PIF1: variants seen among roughly 807,000 people sequenced by gnomAD.
PIF1 encodes ATP-dependent DNA helicase PIF1.
In PIF1, 67 loss-of-function variants were observed where a neutral mutation model predicts 62.3. That is an observed-to-expected ratio of 1.08 (90% CI 0.88 to 1.32). PIF1 has a LOEUF of 1.32. PIF1 is among the 40% of genes most tolerant of loss of function. The pLI is 0.00. For synonymous variants in PIF1, 364 were observed against 379.5 expected (o/e 0.96, Z 0.47); for missense variants, 886 against 866.1 (o/e 1.02, Z -0.29).
Position 64,818,254 on chromosome 15 carries a change from TA to T in PIF1, c.1528+2del. On this transcript the variant is annotated splice_donor_variant, in intron 10 of 12. Transcript: ENST00000559239. LOFTEE classifies it high-confidence loss of function. Reference sequence around the variant, plus strand: ...AGGACTGCCACCTCCTCCCAACACTTACCTCTCCCTTCTGCCTCGAACCCAA... The same window carrying T: ...AGGACTGCCACCTCCTCCCAACACTTCCTCTCCCTTCTGCCTCGAACCCAA... 6.2e-7 allele frequency: 1 copy of T among 1,613,976 alleles called. No homozygotes were observed. Among genetic ancestry groups the T allele is most frequent in the South Asian group, 1.1e-5 (1 of 91,068 alleles).
intron 7 of PIF1, 27 bp downstream of exon 7, chr15:64,820,954 AG>A: frequency 6.3e-7 from 1 of 1,594,142 alleles, no homozygotes; most frequent in African/African-American, 1.3e-5. Flanking sequence ...CTCATCCCAT[AG>A]CCCCTTCCCC....
chr15:64,819,153 A>G lies in PIF1; in HGVS notation c.1404T>C (p.Pro468=). Residue 468 remains proline, a synonymous_variant, in exon 9 of 13, where the codon CCT becomes CCC. Coordinates refer to ENST00000559239, the MANE Select transcript of PIF1 (RefSeq NM_001286496.2). ...ELASTLDAQC[P]VSQLLQLKLG... ...GCTTTAGTTGAAGGAGCTGGCTAAC[A>G]GGACACTGGGCATCCAGGGTACTGG... 1.3e-6 allele frequency: 2 copies of G among 1,599,228 alleles called. No individual in the cohort carries two copies. Among genetic ancestry groups the G allele is most frequent in the Non-Finnish European group, 1.7e-6 (2 of 1,175,896 alleles).
upstream of PIF1, among the ~76,000 whole-genome samples, chr15:64,826,124 A>C (rs2141120329): frequency 6.7e-6 from 1 of 149,464 alleles, no homozygotes; most frequent in Admixed American, 6.7e-5. Flanking sequence ...CCCGCCCCCA[A>C]CTCTACATCC....
chr15:64,816,891 CAGA>C, intron 11 of PIF1, 126 bp from the exon 12 acceptor site: 1 of 864,272 alleles, frequency 1.2e-6, no homozygotes, highest in Non-Finnish European at 1.7e-6. Context: ...AGTCTCTAGA[CAGA>C]GGGAGAGCAT....
chr15:64,826,527 G>A (rs947960855), upstream of PIF1, among the ~76,000 whole-genome samples: 1 of 148,780 alleles, frequency 6.7e-6, no homozygotes, highest in Non-Finnish European at 1.5e-5. Flanking sequence ...GCCGTGGCGC[G>A]ATCGTGGCTC....
chr15:64,819,976 C>T lies in PIF1; in HGVS notation c.1204G>A (p.Glu402Lys), dbSNP rs2084262690. 6.2e-7 allele frequency: 1 copy of T among 1,613,764 alleles called. No homozygotes were observed. Residue 402 changes from glutamate (E) to lysine (K), a missense_variant, in exon 8 of 13, where the codon GAG becomes AAG. Transcript: ENST00000559239. ...QAVRLGRCSD[E>K]VTRQLQATAS... ...GTGGCCTGGAGCTGGCGGGTCACCT[C>T]ATCTGAACACCTGTTGGGGCTGGAC...
upstream of PIF1, among the ~76,000 whole-genome samples, chr15:64,826,676 A>C (rs2084375316): frequency 7.9e-6 from 1 of 125,990 alleles, no homozygotes; most frequent in Non-Finnish European, 1.7e-5. Flanking sequence ...ACACACACAC[A>C]CACATATATA....
In PIF1 at chr15:64,824,332, G is replaced by A. The variant is rs760065218; in HGVS notation, c.4C>T (p.Leu2Phe). 3.4e-5 allele frequency: 42 copies of A among 1,252,256 alleles called. No homozygotes were observed. The South Asian group carries it at 1.4e-3, about 40-fold the overall frequency. 77.6% of individuals were successfully genotyped at this position (1,252,256 alleles called of 1,614,324 possible). The change falls in exon 2 of 13, where the codon CTC becomes TTC. Residue 2 changes from leucine to phenylalanine, a missense_variant. By Grantham distance (22) the Leu-to-Phe change is conservative. Transcript: ENST00000559239. ...CCTGCCGCCGCCTCTATGCCCGAGA[G>A]CATCGTCACCGCCTCTGCTGGTCTG... M[L>F]SGIEAAAGEY...
intron 10 of PIF1, 65 bp from the exon 11 acceptor site, chr15:64,818,156 G>A (rs1180273914): frequency 1.9e-6 from 3 of 1,610,522 alleles, no homozygotes; most frequent in Non-Finnish European, 2.5e-6. Flanking sequence ...AGGAGCAGGG[G>A]CCTTTGGAGC....
Position 64,816,598 on chromosome 15 carries a change from C to T in PIF1, c.1842G>A (p.Leu614=), listed in dbSNP as rs373789543. The T allele has an allele frequency of 2.9e-5, 47 of 1,613,740 alleles. No individual in the cohort carries two copies. In the African/African-American group the frequency reaches 5.6e-4, roughly 19 times the overall value. The change falls in exon 12 of 13, where the codon CTG becomes CTA. Residue 614 remains leucine (L), a synonymous_variant. Coordinates refer to ENST00000559239, the MANE Select transcript of PIF1 (RefSeq NM_001286496.2). The part of the protein sequence containing the change: ...DPRVLHFYAT[L]RRGRSLSLES... The stretch of plus-strand genomic sequence containing the variant: ...CCAGACTGAGGCTCCTGCCCCGCCG[C>T]AGGGTGGCATAGAAGTGCAGCACAC...
upstream of PIF1, among the ~76,000 whole-genome samples, chr15:64,826,808 C>T (rs2084377728): frequency 6.7e-6 from 1 of 150,140 alleles, no homozygotes; most frequent in Non-Finnish European, 1.5e-5. Flanking sequence ...CCAGGCTTGT[C>T]TCGAACTCCG....
chr15:64,821,889 GC>G (rs1757133244), intron 4 of PIF1: 1 of 283,788 alleles, frequency 3.5e-6, no homozygotes, highest in Admixed American at 5.1e-5. Context: ...ACAGGCGCTT[GC>G]CACCATGCCT....
chr15:64,817,733 G>T (rs1001271889), intron 11 of PIF1, among the ~76,000 whole-genome samples: 4 of 151,166 alleles, frequency 2.6e-5, no homozygotes, highest in Non-Finnish European at 5.9e-5. Context: ...GTGGTGGCAT[G>T]CGCCTGTAGT....
intron 4 of PIF1, 48 bp from the exon 5 acceptor site, chr15:64,821,568 T>A: frequency 9.2e-4 from 51 of 55,564 alleles, no homozygotes; most frequent in Non-Finnish European, 1.1e-3. Context: ...AGCCTCTCTT[T>A]TTTTTTTTTT....
intron 7 of PIF1, among the ~76,000 whole-genome samples, chr15:64,820,637 C>T (rs187980494): frequency 1.4e-4 from 21 of 152,314 alleles, no homozygotes; most frequent in East Asian, 5.8e-4. Context: ...TCTTGTGATC[C>T]GCCTGCCTCA....
chr15:64,822,548 A>G lies in PIF1; in HGVS notation c.621T>C (p.Leu207=). 6.2e-7 allele frequency: 1 copy of G among 1,614,092 alleles called. No individual in the cohort carries two copies. The highest frequency in any genetic ancestry group is 8.5e-7 in the Non-Finnish European group (1 of 1,180,002). The change falls in exon 3 of 13, where the codon CTT becomes CTC. Residue 207 remains leucine (L), a synonymous_variant. Coordinates refer to ENST00000559239, the MANE Select transcript of PIF1 (RefSeq NM_001286496.2). The part of the protein sequence containing the change: ...RLSLPSTKPQ[L]SEEQAAVLRA... The stretch of plus-strand genomic sequence containing the variant: ...TCAGCACAGCAGCCTGTTCCTCAGA[A>G]AGCTGTGGCTTGGTGGAGGGCAAGC...
Position 64,821,185 on chromosome 15 carries a change from G to C in PIF1, c.1068C>G (p.Pro356=), listed in dbSNP as rs1434218201. The C allele has an allele frequency of 2.5e-6, 4 of 1,614,076 alleles. No individual in the cohort carries two copies. The highest frequency in any genetic ancestry group is 3.4e-6 in the Non-Finnish European group (4 of 1,180,044). ...GTAATACCTGGAAGCAGAACCGTGG[G>C]GGCTGGGAGCCCTTGGTCACAGGTG... ...QLPPVTKGSQ[P]PRFCFQSKSW... is the part of the protein sequence containing the mutation. Residue 356 remains proline, a synonymous_variant, in exon 6 of 13, where the codon CCC becomes CCG. Coordinates refer to ENST00000559239, the MANE Select transcript of PIF1 (RefSeq NM_001286496.2).
rs2084215458 is a variant in PIF1, at chr15:64,817,996, G to A, written c.1624C>T (p.Gln542Ter). The A allele has an allele frequency of 6.2e-7, 1 of 1,613,318 alleles. No individual in the cohort carries two copies. Among genetic ancestry groups the A allele is most frequent in the Non-Finnish European group, 8.5e-7 (1 of 1,179,720 alleles). The change falls in exon 11 of 13, where the codon CAG (glutamine) becomes TAG (stop). Residue 542 changes from glutamine to a stop codon, truncating the protein, a stop_gained. Transcript: ENST00000559239. LOFTEE classifies it high-confidence loss of function. ...QATGGQLLSR[Q>*]QLPLQLAWAM... ...CAGGCCAGCTGGAGGGGCAGCTGCT[G>A]CCGACTGAGGAGCTGGCCCCCGGTG...
chr15:64,815,801 G>C lies in PIF1; in HGVS notation c.*497C>G. 1 of 1,550,648 alleles carries C rather than the reference G, an allele frequency of 6.4e-7. No homozygotes were observed. Among genetic ancestry groups the C allele is most frequent in the Non-Finnish European group, 8.7e-7 (1 of 1,147,014 alleles). On this transcript the variant is annotated 3_prime_UTR_variant, in exon 13 of 13. Coordinates refer to ENST00000559239, the MANE Select transcript of PIF1 (RefSeq NM_001286496.2). ...CTCTGAAGGGTGTTTGTTCTGGGCT[G>C]GGCTAGGCTGGGCCTAGCTGTAGAG...
Sources: gnomAD v4.1 joint callset for allele counts (sites outside exome capture counted in the v4.1 genomes callset) on GRCh38, gnomAD v4.1.1 for gene constraint, MANE v1.5 for transcripts, NCBI Gene and HGNC (gene_info 2026-07-23, HGNC 2026-07-21) for gene names.